The following SLC25A30 variants were observed in gnomAD, a reference collection of about 807,000 sequenced individuals.
SLC25A30 encodes kidney mitochondrial carrier protein 1.
Under a neutral mutation model 42.7 loss-of-function variants are expected in SLC25A30, and 29 were observed. That is an observed-to-expected ratio of 0.68 (90% CI 0.51 to 0.93). The LOEUF (loss-of-function observed/expected upper bound fraction) is 0.93, where lower values mean the gene tolerates loss of function less well. Among genes scored for constraint, SLC25A30 ranks in the 40% least tolerant of loss-of-function variants. The pLI is 0.00. For missense variants in SLC25A30, 300 were observed against 359.7 expected, an observed-to-expected ratio of 0.83 and a Z score of 1.34; for synonymous variants, 124 against 131.0, an observed-to-expected ratio of 0.95 and a Z score of 0.37.
At chr13:45,416,426 TATAA>T (rs1222506320) in intron 1 of SLC25A30, among the ~76,000 whole-genome samples, 1 of 150,424 alleles carries the variant, frequency 6.6e-6, no homozygotes, top group South Asian at 2.2e-4. Context: ...TAAATAAATA[TATAA>T]ATAAATACAA....
chr13:45,425,072 A>ATATAAATATATATG, the SLC25A30 span, among the ~76,000 whole-genome samples: 1 of 66,864 alleles, frequency 1.5e-5, no homozygotes, highest in African/African-American at 6.1e-5. Context: ...GTATATATAC[A>ATATAAATATATATG]TATATATAAA....
At chr13:45,430,436 G>A in the SLC25A30 span, among the ~76,000 whole-genome samples, 2 of 152,272 alleles carry the variant, frequency 1.3e-5, no homozygotes, top group South Asian at 2.1e-4. Flanking sequence ...TCTGGGCATC[G>A]GGATTGAGTA....
chr13:45,394,398 C>G lies in SLC25A30; in HGVS notation c.*1576G>C. 1 of 985,300 alleles carries G rather than the reference C, an allele frequency of 1.0e-6. No individual in the cohort carries two copies. The highest frequency in any genetic ancestry group is 1.2e-6 in the Non-Finnish European group (1 of 829,924). The allele number at this position is 985,300 out of a possible 1,614,324, so 61.0% of individuals were successfully genotyped here. ...AAAATTATCTCATCCTCCAAAAAAA[C>G]CTGCAGTCCTTCTATTCAGTCTCAA... On this transcript the variant is annotated 3_prime_UTR_variant, in exon 10 of 10. Coordinates refer to ENST00000519676, the MANE Select transcript of SLC25A30 (RefSeq NM_001010875.4).
In SLC25A30 at chr13:45,393,358, A is replaced by T; in HGVS notation, c.*2616T>A. ...TACTCCAGTTTATTAAATAAATGAA[A>T]CAAGGCTTATGCCACATATTCCAAC... On this transcript the variant is annotated 3_prime_UTR_variant, in exon 10 of 10. Coordinates refer to ENST00000519676, the MANE Select transcript of SLC25A30 (RefSeq NM_001010875.4). 2.0e-6 allele frequency: 2 copies of T among 976,510 alleles called. No individual in the cohort carries two copies. Among genetic ancestry groups the T allele is most frequent in the Non-Finnish European group, 2.4e-6 (2 of 821,806 alleles). The allele number at this position is 976,510 out of a possible 1,614,324, so 60.5% of individuals were successfully genotyped here. A position where few individuals can be genotyped will look rare whatever the true frequency, so the allele number is the denominator to read the frequency against.
intron 9 of SLC25A30, 58 bp from the exon 10 acceptor site, chr13:45,396,073 A>G: frequency 6.2e-7 from 1 of 1,614,108 alleles, no homozygotes. Flanking sequence ...TCCAGTGCAT[A>G]ACAACAGACT....
chr13:45,433,908 C>T, the SLC25A30 span, among the ~76,000 whole-genome samples: 1 of 152,048 alleles, frequency 6.6e-6, no homozygotes, highest in African/African-American at 2.4e-5. Flanking sequence ...ATTTTTTGTT[C>T]ACACTGTTCA....
the SLC25A30 span, among the ~76,000 whole-genome samples, chr13:45,425,240 A>C: frequency 2.0e-5 from 2 of 100,394 alleles, no homozygotes; most frequent in East Asian, 5.0e-4. Context: ...ATATTTATAC[A>C]TATATAAATA....
chr13:45,423,262 T>C (rs1883938205), upstream of SLC25A30, among the ~76,000 whole-genome samples: 2 of 151,824 alleles, frequency 1.3e-5, no homozygotes. Context: ...TAAGTCCTGC[T>C]AAAAAGTACT....
intron 5 of SLC25A30, chr13:45,402,758 C>G (rs1882122884): frequency 1.0e-6 from 1 of 985,048 alleles, no homozygotes; most frequent in African/African-American, 1.7e-5. Context: ...TCCAGTGTAC[C>G]TGGCAGCACG....
chr13:45,407,255 C>T (rs1882600668), intron 3 of SLC25A30, among the ~76,000 whole-genome samples: 2 of 152,028 alleles, frequency 1.3e-5, no homozygotes. Flanking sequence ...AAAAACTGGC[C>T]GGTTGTCATA....
chr13:45,428,850 T>TA, the SLC25A30 span, among the ~76,000 whole-genome samples: 18 of 111,128 alleles, frequency 1.6e-4, no homozygotes, highest in Admixed American at 1.1e-3. Flanking sequence ...CTAATTTGGG[T>TA]GGAGAGAGAG....
chr13:45,425,116 T>TGTATATATACATATA, the SLC25A30 span, among the ~76,000 whole-genome samples: 6 of 15,862 alleles, frequency 3.8e-4, no homozygotes, highest in Non-Finnish European at 3.1e-4. Context: ...ATAAATATAT[T>TGTATATATACATATA]TATAAATATA....
chr13:45,412,334 T>C (rs965551736), intron 1 of SLC25A30, among the ~76,000 whole-genome samples: 3 of 152,110 alleles, frequency 2.0e-5, no homozygotes, highest in Non-Finnish European at 4.4e-5. Flanking sequence ...ACTCAAGTAA[T>C]CTTCCAGCCC....
At chr13:45,408,354 A>G (rs1347982120) in intron 3 of SLC25A30, among the ~76,000 whole-genome samples, 1 of 152,196 alleles carries the variant, frequency 6.6e-6, no homozygotes, top group Admixed American at 6.5e-5. Context: ...AATTAAAAAA[A>G]CAAAAACCTC....
At chr13:45,409,714 C>T (rs1208510964) in intron 2 of SLC25A30, among the ~76,000 whole-genome samples, 1 of 152,108 alleles carries the variant, frequency 6.6e-6, no homozygotes, top group African/African-American at 2.4e-5. Context: ...GAGGCTGAGG[C>T]AGGAGAATTG....
chr13:45,406,470 T>C (rs1882521977), intron 3 of SLC25A30, among the ~76,000 whole-genome samples: 2 of 152,198 alleles, frequency 1.3e-5, no homozygotes, highest in South Asian at 4.1e-4. Context: ...GCCCCTCATA[T>C]TTATTCTCAA....
intron 4 of SLC25A30, among the ~76,000 whole-genome samples, 155 bp downstream of exon 4, chr13:45,405,728 G>T (rs1882434128): frequency 6.6e-6 from 1 of 152,182 alleles, no homozygotes; most frequent in Non-Finnish European, 1.5e-5. Context: ...TAACCAACTT[G>T]CTTTCAGCAC....
intron 1 of SLC25A30, among the ~76,000 whole-genome samples, chr13:45,416,241 C>T (rs937925229): frequency 6.6e-6 from 1 of 151,578 alleles, no homozygotes; most frequent in African/African-American, 2.4e-5. Context: ...AATCCTGTCT[C>T]TATTAAAAAT....
Position 45,393,900 on chromosome 13 carries a change from T to C in SLC25A30, c.*2074A>G, listed in dbSNP as rs945316599. 3.0e-6 allele frequency: 3 copies of C among 985,324 alleles called. No homozygotes were observed. Among genetic ancestry groups the C allele is most frequent in the African/African-American group, 3.5e-5 (2 of 57,248 alleles). The allele number at this position is 985,324 out of a possible 1,614,324, so 61.0% of individuals were successfully genotyped here. On this transcript the variant is annotated 3_prime_UTR_variant, in exon 10 of 10. Coordinates refer to ENST00000519676, the MANE Select transcript of SLC25A30 (RefSeq NM_001010875.4). ...TGAATAAACTGGTAATAATACTGTCTGACATTCGCTCTTTACATGGTCATT... is the reference window on the plus strand; with the variant it reads ...TGAATAAACTGGTAATAATACTGTCCGACATTCGCTCTTTACATGGTCATT...
Sources: allele counts gnomAD v4.1 joint callset (sites outside exome capture counted in the v4.1 genomes callset), GRCh38; gene constraint gnomAD v4.1.1; transcripts MANE v1.5; gene names NCBI Gene and HGNC (gene_info 2026-07-23, HGNC 2026-07-21).